STK3: variants seen among roughly 807,000 people sequenced by gnomAD.
The protein encoded by STK3 is serine/threonine-protein kinase 3.
STK3 carries 41 observed loss-of-function variants against 58.0 expected under a neutral mutation model. The observed-to-expected ratio is 0.71, with a 90% CI of 0.55 to 0.92. The LOEUF is 0.92. Ranked by LOEUF, STK3 falls within the 40% of genes least tolerant of loss-of-function variation. STK3 has a pLI of 0.00. For synonymous variants in STK3, 170 were observed against 191.0 expected (o/e 0.89, Z 0.91); for missense variants, 479 against 602.7 (o/e 0.79, Z 2.15).
chr8:98,589,895 G>A (rs1815119175), intron 7 of STK3, among the ~76,000 whole-genome samples: 1 of 152,190 alleles, frequency 6.6e-6, no homozygotes, highest in Non-Finnish European at 1.5e-5. Flanking sequence ...CTTTGACTAG[G>A]AAAGGGAACC....
chr8:98,683,539 T>G (rs1563885761), intron 6 of STK3, among the ~76,000 whole-genome samples: 1 of 152,134 alleles, frequency 6.6e-6, no homozygotes, highest in Non-Finnish European at 1.5e-5. Context: ...TACTTGAATT[T>G]AAAACTTAGA....
chr8:98,857,534 G>A (rs1836727850), intron 3 of STK3, among the ~76,000 whole-genome samples: 1 of 149,982 alleles, frequency 6.7e-6, no homozygotes, highest in Non-Finnish European at 1.5e-5. Context: ...TATCAAAAGA[G>A]CAGAATAAAA....
chr8:98,416,896 G>C (rs922740984), intron 3 of STK3, among the ~76,000 whole-genome samples: 2 of 152,098 alleles, frequency 1.3e-5, no homozygotes, highest in African/African-American at 4.8e-5. Context: ...CCACCCTCCC[G>C]AAGGTCTCTA....
chr8:98,801,559 A>G (rs1219976849), intron 1 of STK3, among the ~76,000 whole-genome samples: 1 of 151,990 alleles, frequency 6.6e-6, no homozygotes. Flanking sequence ...CTCCAGACAC[A>G]CTGCTTTAAG....
intron 8 of STK3, among the ~76,000 whole-genome samples, chr8:98,558,766 T>C (rs943437664): frequency 3.3e-5 from 5 of 152,090 alleles, no homozygotes; most frequent in Non-Finnish European, 7.4e-5. Flanking sequence ...GTTGTTGTTC[T>C]TTTTGGTTTG....
At chr8:98,815,722 T>C (rs774302245) in intron 1 of STK3, among the ~76,000 whole-genome samples, 54 of 152,248 alleles carry the variant, frequency 3.5e-4, no homozygotes, top group Non-Finnish European at 6.0e-4. Context: ...ACTAATTCGT[T>C]ATCTTGAAAA....
At chr8:98,595,880 A>C in intron 7 of STK3, 152 bp downstream of exon 7, 1 of 769,678 alleles carries the variant, frequency 1.3e-6, no homozygotes, top group Non-Finnish European at 1.9e-6. Flanking sequence ...AGGGGACGAG[A>C]GGGGAGGAAA....
chr8:98,359,468 A>T, the STK3 span, among the ~76,000 whole-genome samples: 78 of 149,136 alleles, frequency 5.2e-4, no homozygotes, highest in African/African-American at 1.9e-3. Context: ...GGTTGCAGTG[A>T]GCTGAGATCA....
At chr8:98,554,916 ACT>A (rs1811480773) in intron 8 of STK3, among the ~76,000 whole-genome samples, 1 of 152,078 alleles carries the variant, frequency 6.6e-6, no homozygotes, top group Non-Finnish European at 1.5e-5. Context: ...ACTTACATAT[ACT>A]CTGTTATTCC....
At chr8:98,513,314 G>A (rs1047749451) in intron 10 of STK3, among the ~76,000 whole-genome samples, 1 of 152,126 alleles carries the variant, frequency 6.6e-6, no homozygotes, top group Non-Finnish European at 1.5e-5. Context: ...GGGTACATCA[G>A]GAGCACTGGG....
At chr8:98,721,766 C>T (rs1016750541) in intron 4 of STK3, among the ~76,000 whole-genome samples, 1 of 151,974 alleles carries the variant, frequency 6.6e-6, no homozygotes, top group Non-Finnish European at 1.5e-5. Flanking sequence ...TATAAAATTA[C>T]CCCAGGGGTT....
intron 4 of STK3, among the ~76,000 whole-genome samples, chr8:98,707,668 G>A (rs147731165): frequency 2.1e-3 from 316 of 152,172 alleles, no homozygotes; most frequent in Middle Eastern, 0.01. Flanking sequence ...GCTTCCCAAA[G>A]TGTTGGGATT....
intron 1 of STK3, among the ~76,000 whole-genome samples, chr8:98,446,141 C>T (rs747963587): frequency 6.6e-6 from 1 of 152,222 alleles, no homozygotes; most frequent in Non-Finnish European, 1.5e-5. Context: ...CTCAAAGTGC[C>T]TTTCTCCCTT....
At position 98,428,533 on chromosome 8, in the gene STK3, T is replaced by C. The variant is rs1338045934; in HGVS notation, n.483+5594A>G. On this transcript the variant is annotated intron_variant and non_coding_transcript_variant, in intron 3 of 3. Transcript: ENST00000517832. This position sits in a 1 kb window ranked among gnomAD's most constrained non-coding sequence, Gnocchi z 6.7. ...CTGGACAACCCCGGCTACTCAGTGCTGAGCAGGGTCTTCAGCATCCTGTCC... is the reference window on the plus strand; with the variant it reads ...CTGGACAACCCCGGCTACTCAGTGCCGAGCAGGGTCTTCAGCATCCTGTCC... 3 of 1,614,066 alleles carry C rather than the reference T, an allele frequency of 1.9e-6. No individual in the cohort carries two copies. Among genetic ancestry groups the C allele is most frequent in the African/African-American group, 2.7e-5 (2 of 74,920 alleles).
At chr8:98,401,232 G>T (rs539146853), downstream of STK3, among the ~76,000 whole-genome samples, 3 of 152,306 alleles carry the variant, frequency 2.0e-5, no homozygotes, top group East Asian at 5.8e-4. Flanking sequence ...AGCTCCAGCT[G>T]CCTGAGGCTT....
At chr8:98,870,912 T>C (rs1837350925) in intron 3 of STK3, among the ~76,000 whole-genome samples, 1 of 152,246 alleles carries the variant, frequency 6.6e-6, no homozygotes, top group Non-Finnish European at 1.5e-5. Flanking sequence ...CACGAAGTCC[T>C]TGCCCATGCC....
intron 1 of STK3, among the ~76,000 whole-genome samples, chr8:98,936,835 A>G (rs551111923): frequency 1.4e-4 from 22 of 152,276 alleles, no homozygotes; most frequent in African/African-American, 5.3e-4. Flanking sequence ...CATAGCATCC[A>G]CCCAGTTTGA....
the STK3 span, among the ~76,000 whole-genome samples, chr8:98,360,446 T>G: frequency 1.3e-5 from 2 of 152,172 alleles, no homozygotes; most frequent in Non-Finnish European, 2.9e-5. Flanking sequence ...TCAGTAATAT[T>G]TCCTGAATGA....
intron 1 of STK3, among the ~76,000 whole-genome samples, chr8:98,910,963 A>G (rs1839107761): frequency 6.6e-6 from 1 of 152,216 alleles, no homozygotes; most frequent in South Asian, 2.1e-4. Flanking sequence ...AGGGAAACAG[A>G]GCTGACACAT....
Sources: gnomAD v4.1 joint callset for allele counts (sites outside exome capture counted in the v4.1 genomes callset) on GRCh38, gnomAD v4.1.1 for gene constraint, Gnocchi (gnomAD v3.1) non-coding constraint, MANE v1.5 for transcripts, NCBI Gene and HGNC (gene_info 2026-07-23, HGNC 2026-07-21) for gene names.